SAMD9: variants seen among roughly 807,000 people sequenced by gnomAD.
The protein encoded by SAMD9 is sterile alpha motif domain containing 9.
SAMD9 carries 3 observed loss-of-function variants against 1.5 expected under a neutral mutation model. The observed-to-expected ratio is 2.05, with a 90% CI of 0.93 to 5.29. SAMD9 has a LOEUF of 5.29. Among genes scored for constraint, SAMD9 ranks in the 30% most tolerant of loss-of-function variants. SAMD9 has a pLI of 0.02. For missense variants in SAMD9, 1,597 were observed against 1,820.8 expected, an observed-to-expected ratio of 0.88 and a Z score of 2.24; for synonymous variants, 635 against 631.9, an observed-to-expected ratio of 1.00 and a Z score of -0.07.
intron 2 of SAMD9, among the ~76,000 whole-genome samples, chr7:93,113,643 G>C (rs1165516468): frequency 1.3e-5 from 2 of 152,086 alleles, no homozygotes; most frequent in African/African-American, 4.8e-5. Context: ...GGCAAAAGAT[G>C]AACAGACACT....
At position 93,101,021 on chromosome 7, in the gene SAMD9, C is replaced by T. The variant is rs892967522; in HGVS notation, c.*307G>A. On this transcript the variant is annotated 3_prime_UTR_variant, in exon 3 of 3. Coordinates refer to ENST00000379958, the MANE Select transcript of SAMD9 (RefSeq NM_017654.4). Reference sequence around the variant, plus strand: ...TCCATGCCTGGTAAGTAGTGGGGTTCTGTGTAGCCAGCTTATTACACTAAC... The same window carrying T: ...TCCATGCCTGGTAAGTAGTGGGGTTTTGTGTAGCCAGCTTATTACACTAAC... 2 of 375,200 alleles carry T rather than the reference C, an allele frequency of 5.3e-6. No homozygotes were observed. Among genetic ancestry groups the T allele is most frequent in the East Asian group, 1.2e-4 (2 of 17,336 alleles). The allele number at this position is 375,200 out of a possible 1,614,324, so 23.2% of individuals were successfully genotyped here.
rs1309031326 is a variant in SAMD9 at position 93,102,102 on chromosome 7, G to A, written c.3996C>T (p.Cys1332=). The change falls in exon 3 of 3, where the codon TGC becomes TGT. Residue 1332 remains cysteine, a synonymous_variant. Transcript: ENST00000379958. Reference sequence around the variant, plus strand: ...CTTTTAAAGCTACTAGGTTTCTCCTGCATCTCTCTACTTGAAGTGGCTCAC... The same window carrying A: ...CTTTTAAAGCTACTAGGTTTCTCCTACATCTCTCTACTTGAAGTGGCTCAC... ...KFSEPLQVER[C]RRNLVALKAD... is the part of the protein sequence containing the mutation. 1.2e-6 allele frequency: 2 copies of A among 1,613,132 alleles called. No individual in the cohort carries two copies. Among genetic ancestry groups the A allele is most frequent in the East Asian group, 2.2e-5 (1 of 44,872 alleles).
Position 93,101,383 on chromosome 7 carries a change from A to G in SAMD9, c.4715T>C (p.Phe1572Ser). The change falls in exon 3 of 3, where the codon TTT becomes TCT. Residue 1572 changes from phenylalanine to serine, a missense_variant. This residue lies in a region of SAMD9 where 682 missense variants were observed against 810.0 expected (regional missense o/e 0.84). Transcript: ENST00000379958. The part of the protein sequence containing the change: ...RSGRSIEKVS[F>S]YLGFSIGGPL... The stretch of plus-strand genomic sequence containing the variant: ...GCCTCCAATGGAAAATCCCAGGTAA[A>G]AAGACACCTTCTCTATGCTTCTGCC... 6.2e-7 allele frequency: 1 copy of G among 1,613,728 alleles called. No homozygotes were observed. The highest frequency in any genetic ancestry group is 8.5e-7 in the Non-Finnish European group (1 of 1,179,756).
Position 93,101,538 on chromosome 7 carries a change from C to T in SAMD9, c.4560G>A (p.Glu1520=). 1 of 1,613,690 alleles carries T rather than the reference C, an allele frequency of 6.2e-7. No individual in the cohort carries two copies. The highest frequency in any genetic ancestry group is 2.2e-5 in the East Asian group (1 of 44,864). ...GAAGCAAAAGTTCTTGGACTTTTTC[C>T]TCCTTCCACACATCTCCACTCTGCC... ...SLWQSGDVWK[E]EKVQELLLRL... is the part of the protein sequence containing the mutation. Residue 1520 remains glutamate, a synonymous_variant, in exon 3 of 3, where the codon GAG becomes GAA. Transcript: ENST00000379958.
intron 2 of SAMD9, among the ~76,000 whole-genome samples, chr7:93,111,523 G>T (rs1366917060): frequency 1.3e-5 from 2 of 152,140 alleles, no homozygotes; most frequent in Non-Finnish European, 2.9e-5. Context: ...CCAGGAGCTG[G>T]TTTTTTGAAA....
rs771019191 is a variant in SAMD9, at chr7:93,105,978, G to A, written c.120C>T (p.Asp40=). Residue 40 remains aspartate, a synonymous_variant, in exon 3 of 3, where the codon GAC becomes GAT. Coordinates refer to ENST00000379958, the MANE Select transcript of SAMD9 (RefSeq NM_017654.4). ...ACCACTTCAAGACTGCTCCATTCAC[G>A]TCTTGTTCAGTCAAAATTTCCCTGT... ...QKHREILTEQ[D]VNGAVLKWLK... 5.0e-6 allele frequency: 8 copies of A among 1,596,930 alleles called. No individual in the cohort carries two copies. Among genetic ancestry groups the A allele is most frequent in the East Asian group, 2.2e-5 (1 of 44,738 alleles).
In SAMD9 at chr7:93,117,443, A is replaced by AT. The variant is rs951928334; in HGVS notation, c.-110+419dup. On this transcript the variant is annotated intron_variant, in intron 1 of 2. Transcript: ENST00000379958. ...CAGCTGCGTGCCACCACATCCAGCT[A>AT]TTTTTTTTTTTGGTAGGAATCTTGC... 7.1e-3 allele frequency among the ~76,000 whole-genome samples: 1,045 copies of AT among 146,602 alleles called. 12 individuals are homozygous for AT. The highest frequency in any genetic ancestry group is 0.021 in the African/African-American group (859 of 40,228).
chr7:93,105,514 T>C lies in SAMD9; in HGVS notation c.584A>G (p.His195Arg). Residue 195 changes from histidine to arginine, a missense_variant, in exon 3 of 3, where the codon CAT (histidine) becomes CGT (arginine). His to Arg is a conservative substitution (Grantham distance 29). This residue lies in a region of SAMD9 where 498 missense variants were observed against 457.4 expected (regional missense o/e 1.09). Coordinates refer to ENST00000379958, the MANE Select transcript of SAMD9 (RefSeq NM_017654.4). ...TGPGNLIDPI[H>R]EFKAFTNTAT... ...TGTATTTGTGAAGGCTTTGAATTCA[T>C]GTATCGGATCAATGAGATTGCCTGG... is the stretch of plus-strand genomic sequence containing the variant. The C allele has an allele frequency of 6.2e-7, 1 of 1,614,148 alleles. No individual in the cohort carries two copies. Among genetic ancestry groups the C allele is most frequent in the Middle Eastern group, 1.6e-4 (1 of 6,062 alleles).
rs754771247 is a variant in SAMD9, at chr7:93,102,810, C to A, written c.3288G>T (p.Lys1096Asn). ...QALARHFYIK[K>N]KDFGNALNWA... ...AGTTTAGAGCATTGCCAAAGTCCTT[C>A]TTTTTAATGTAGAAATGTCTTGCCA... The change falls in exon 3 of 3, where the codon AAG (lysine) becomes AAT (asparagine). Residue 1096 changes from lysine to asparagine, a missense_variant. This residue lies in a region of SAMD9 where 682 missense variants were observed against 810.0 expected (regional missense o/e 0.84). Transcript: ENST00000379958. The A allele has an allele frequency of 6.2e-7, 1 of 1,613,826 alleles. No individual in the cohort carries two copies. The highest frequency in any genetic ancestry group is 8.5e-7 in the Non-Finnish European group (1 of 1,179,784).
intron 2 of SAMD9, among the ~76,000 whole-genome samples, chr7:93,114,220 T>G (rs1158647038): frequency 6.7e-6 from 1 of 149,626 alleles, no homozygotes; most frequent in Non-Finnish European, 1.5e-5. Flanking sequence ...AAACACCACA[T>G]GTTCTCACTC....
At chr7:93,115,182 T>G (rs1791814141) in intron 1 of SAMD9, among the ~76,000 whole-genome samples, 2 of 152,202 alleles carry the variant, frequency 1.3e-5, no homozygotes, top group Non-Finnish European at 2.9e-5. Flanking sequence ...TACAACAAGA[T>G]AATACTACAT....
intron 2 of SAMD9, among the ~76,000 whole-genome samples, chr7:93,107,008 T>C (rs1240858365): frequency 3.9e-5 from 6 of 152,196 alleles, no homozygotes; most frequent in African/African-American, 1.4e-4. Context: ...CCAAGATGTG[T>C]TGACCACCTC....
In SAMD9 at chr7:93,102,851, A is replaced by G; in HGVS notation, c.3247T>C (p.Phe1083Leu). Residue 1083 changes from phenylalanine (F) to leucine (L), a missense_variant, in exon 3 of 3, where the codon TTC (phenylalanine) becomes CTC (leucine). Physicochemically the swap from Phe to Leu is conservative, Grantham distance 22. This residue lies in a region of SAMD9 where 682 missense variants were observed against 810.0 expected (regional missense o/e 0.84). Coordinates refer to ENST00000379958, the MANE Select transcript of SAMD9 (RefSeq NM_017654.4). Reference protein sequence around the residue: ...ESIHRFNPNAFICQALARHFY... With the variant: ...ESIHRFNPNALICQALARHFY... ...TGTCTTGCCAACGCTTGGCAAATGA[A>G]TGCATTTGGGTTGAACCGATGGATA... 1 of 1,613,878 alleles carries G rather than the reference A, an allele frequency of 6.2e-7. No individual in the cohort carries two copies. Among genetic ancestry groups the G allele is most frequent in the Non-Finnish European group, 8.5e-7 (1 of 1,179,804 alleles).
chr7:93,115,808 G>A (rs1791823618), intron 1 of SAMD9, among the ~76,000 whole-genome samples: 1 of 152,142 alleles, frequency 6.6e-6, no homozygotes, highest in Non-Finnish European at 1.5e-5. Flanking sequence ...AGGTCCTAAA[G>A]TTTTACTAGG....
Position 93,104,441 on chromosome 7 carries a change from T to C in SAMD9, c.1657A>G (p.Arg553Gly). 5 of 1,613,986 alleles carry C rather than the reference T, an allele frequency of 3.1e-6. No homozygotes were observed. The highest frequency in any genetic ancestry group is 4.2e-6 in the Non-Finnish European group (5 of 1,179,864). The change falls in exon 3 of 3, where the codon AGA (arginine) becomes GGA (glycine). Residue 553 changes from arginine to glycine, a missense_variant. Physicochemically the swap from Arg to Gly is moderately radical, Grantham distance 125 (BLOSUM62 -2). This residue lies in a region of SAMD9 where 358 missense variants were observed against 460.4 expected (regional missense o/e 0.78). Coordinates refer to ENST00000379958, the MANE Select transcript of SAMD9 (RefSeq NM_017654.4). Reference protein sequence around the residue: ...FLLLSSVDDPRDPLIETFCAF... With the variant: ...FLLLSSVDDPGDPLIETFCAF... The stretch of plus-strand genomic sequence containing the variant: ...CAGAAAGTCTCAATGAGGGGATCTC[T>C]TGGGTCATCCACAGAGGACAGTAAT...
At chr7:93,109,939 T>A (rs1010886338) in intron 2 of SAMD9, among the ~76,000 whole-genome samples, 10 of 152,088 alleles carry the variant, frequency 6.6e-5, no homozygotes, top group African/African-American at 1.7e-4. Flanking sequence ...AACATTCAAA[T>A]TCAGAAAATA....
At chr7:93,110,374 C>T (rs1481592622) in intron 2 of SAMD9, among the ~76,000 whole-genome samples, 1 of 152,178 alleles carries the variant, frequency 6.6e-6, no homozygotes, top group South Asian at 2.1e-4. Flanking sequence ...TAAACACCAT[C>T]GATGCTAGGA....
Position 93,105,588 on chromosome 7 carries a change from A to G in SAMD9, c.510T>C (p.Ser170=). The G allele has an allele frequency of 6.2e-7, 1 of 1,614,146 alleles. No homozygotes were observed. The highest frequency in any genetic ancestry group is 8.5e-7 in the Non-Finnish European group (1 of 1,180,014). Residue 170 remains serine (S), a synonymous_variant, in exon 3 of 3, where the codon AGT becomes AGC. Transcript: ENST00000379958. ...AATCCAACTTGTAACGATATGGATT[A>G]CTGAATTCATCAAATGGATATGATA... The part of the protein sequence containing the change: ...TCVSYPFDEF[S]NPYRYKLDFS...
chr7:93,102,835 A>T lies in SAMD9; in HGVS notation c.3263T>A (p.Leu1088Ter). 6.2e-7 allele frequency: 1 copy of T among 1,613,878 alleles called. No homozygotes were observed. Among genetic ancestry groups the T allele is most frequent in the Non-Finnish European group, 8.5e-7 (1 of 1,179,808 alleles). Residue 1088 changes from leucine to a stop codon, truncating the protein, a stop_gained, in exon 3 of 3, where the codon TTG (leucine) becomes TAG (stop). Coordinates refer to ENST00000379958, the MANE Select transcript of SAMD9 (RefSeq NM_017654.4). LOFTEE classifies it low-confidence loss of function (END_TRUNC). ...CTTTTTAATGTAGAAATGTCTTGCC[A>T]ACGCTTGGCAAATGAATGCATTTGG... Reference protein sequence around the residue: ...FNPNAFICQALARHFYIKKKD... With the variant: ...FNPNAFICQA
Sources: allele counts gnomAD v4.1 joint callset (sites outside exome capture counted in the v4.1 genomes callset), GRCh38; gene constraint gnomAD v4.1.1; regional missense constraint gnomAD v4.1.1; transcripts MANE v1.5; gene names NCBI Gene and HGNC (gene_info 2026-07-23, HGNC 2026-07-21).